Variants in LARP1 observed in about 807,000 individuals in gnomAD.
LARP1 encodes the protein la-related protein 1.
LARP1 carries 36 observed loss-of-function variants against 122.7 expected under a neutral mutation model. The observed-to-expected ratio is 0.29, with a 90% CI of 0.22 to 0.39. The LOEUF is 0.39. LARP1 is among the 10% of genes least tolerant of loss of function. The pLI is 1.00. For missense variants in LARP1, 1,040 were observed against 1,403.6 expected (o/e 0.74, Z 4.14); for synonymous variants, 539 against 528.7 (o/e 1.02, Z -0.27).
At chr5:154,809,117 T>A (rs79258352) in intron 16 of LARP1, among the ~76,000 whole-genome samples, 3,888 of 152,162 alleles carry the variant, frequency 0.026, 157 homozygotes, top group African/African-American at 0.09. Flanking sequence ...ATTTAGTCCA[T>A]CTCCTATTAG....
chr5:154,785,045 C>A (rs1490461950), intron 1 of LARP1, among the ~76,000 whole-genome samples: 6 of 152,216 alleles, frequency 3.9e-5, no homozygotes, highest in Non-Finnish European at 7.3e-5. Context: ...CTTCCTTCCT[C>A]CCTAACAAAG....
chr5:154,762,629 G>C (rs1162678479), intron 1 of LARP1, among the ~76,000 whole-genome samples: 1 of 152,154 alleles, frequency 6.6e-6, no homozygotes, highest in East Asian at 1.9e-4. Flanking sequence ...AGCCAGCTTG[G>C]TAGATCTGTC....
At chr5:154,771,189 T>C (rs560079683) in intron 1 of LARP1, among the ~76,000 whole-genome samples, 1 of 152,058 alleles carries the variant, frequency 6.6e-6, no homozygotes, top group East Asian at 1.9e-4. Context: ...GCCTTTATCA[T>C]GTCCTTGGGC....
chr5:154,723,206 A>G (rs1292351117), intron 1 of LARP1, among the ~76,000 whole-genome samples: 1 of 152,190 alleles, frequency 6.6e-6, no homozygotes, highest in Non-Finnish European at 1.5e-5. Context: ...TTAATGTGTC[A>G]CTGCTGGGAT....
At chr5:154,733,884 G>A (rs1283058381) in intron 1 of LARP1, among the ~76,000 whole-genome samples, 1 of 152,034 alleles carries the variant, frequency 6.6e-6, no homozygotes, top group Non-Finnish European at 1.5e-5. Flanking sequence ...TTTTTTGTCT[G>A]TAGAAAGAGT....
intron 1 of LARP1, among the ~76,000 whole-genome samples, chr5:154,700,077 C>T (rs1465177269): frequency 6.6e-6 from 1 of 152,096 alleles, no homozygotes; most frequent in Non-Finnish European, 1.5e-5. Context: ...ACAGCAGGGC[C>T]TGGACTAGGG....
At chr5:154,754,043 T>A (rs1476885263), upstream of LARP1, among the ~76,000 whole-genome samples, 3 of 152,234 alleles carry the variant, frequency 2.0e-5, no homozygotes, top group Non-Finnish European at 4.4e-5. Context: ...ACACGCAGAT[T>A]TCTGGGTCCA....
intron 14 of LARP1, 33 bp from the exon 15 acceptor site, chr5:154,805,848 A>C: frequency 6.2e-7 from 1 of 1,604,640 alleles, no homozygotes; most frequent in Non-Finnish European, 8.5e-7. Flanking sequence ...GCTGTGGGGA[A>C]CCTGGTGACA....
intron 1 of LARP1, among the ~76,000 whole-genome samples, chr5:154,745,215 C>T (rs1179794101): frequency 1.3e-5 from 2 of 152,176 alleles, no homozygotes; most frequent in East Asian, 1.9e-4. Flanking sequence ...TGTGAGCCAC[C>T]GCGCCTGGCC....
chr5:154,812,815 C>T (rs1759393150), intron 18 of LARP1, among the ~76,000 whole-genome samples: 1 of 152,044 alleles, frequency 6.6e-6, no homozygotes, highest in African/African-American at 2.4e-5. Context: ...CCGCGCCCGG[C>T]CCAAAAGCCC....
rs1171989736 is a variant in LARP1 at position 154,817,122 on chromosome 5, C to T, written c.*3026C>T. ...TGAGGAGGAGGGACAAGGAAGATGA[C>T]TAGTTACGGAGGGTGAGGGTTGTTT... On this transcript the variant is annotated 3_prime_UTR_variant, in exon 19 of 19. Coordinates refer to ENST00000518297, the MANE Select transcript of LARP1 (RefSeq NM_033551.3). 1 of 150,464 alleles carries T rather than the reference C, an allele frequency of 6.6e-6. No homozygotes were observed. Among genetic ancestry groups the T allele is most frequent in the Non-Finnish European group, 1.5e-5 (1 of 67,964 alleles). The allele number at this position is 150,464 out of a possible 1,614,324, so 9.3% of individuals were successfully genotyped here.
intron 1 of LARP1, among the ~76,000 whole-genome samples, chr5:154,690,535 G>A (rs1754142213): frequency 6.6e-6 from 1 of 152,174 alleles, no homozygotes; most frequent in Non-Finnish European, 1.5e-5. Flanking sequence ...ACCATCTCAG[G>A]GTCGCACAGC....
intron 1 of LARP1, among the ~76,000 whole-genome samples, chr5:154,778,152 C>T (rs1245784117): frequency 6.6e-6 from 1 of 151,058 alleles, no homozygotes; most frequent in Non-Finnish European, 1.5e-5. Flanking sequence ...CCCAGCTACT[C>T]GGGAGGCTGA....
intron 1 of LARP1, among the ~76,000 whole-genome samples, chr5:154,688,110 G>C (rs1438469270): frequency 6.6e-6 from 1 of 152,072 alleles, no homozygotes; most frequent in African/African-American, 2.4e-5. Flanking sequence ...TTGATGCTTC[G>C]GGTCTGGGCC....
intron 1 of LARP1, among the ~76,000 whole-genome samples, chr5:154,771,230 G>T (rs1374439272): frequency 6.6e-6 from 1 of 152,110 alleles, no homozygotes; most frequent in African/African-American, 2.4e-5. Flanking sequence ...CTGCCTCATG[G>T]GTAGCTTGCC....
At chr5:154,756,223 CG>C (rs1471961216) in intron 1 of LARP1, 30 bp downstream of exon 1, 7 of 1,219,998 alleles carry the variant, frequency 5.7e-6, no homozygotes, top group South Asian at 1.4e-5. Context: ...CTCCTGGGTC[CG>C]GGGGCCTCTT....
Position 154,814,018 on chromosome 5 carries a change from A to G in LARP1, c.3213A>G (p.Thr1071=). The change falls in exon 19 of 19, where the codon ACA becomes ACG. Residue 1071 remains threonine, a synonymous_variant. Coordinates refer to ENST00000518297, the MANE Select transcript of LARP1 (RefSeq NM_033551.3). ...RPAAMISQPP[T]PPTGQPVRED... ...CTGCCATGATCAGCCAACCCCCTACACCACCCACCGGCCAGCCTGTCCGGG... is the reference window on the plus strand; with the variant it reads ...CTGCCATGATCAGCCAACCCCCTACGCCACCCACCGGCCAGCCTGTCCGGG... 6.2e-7 allele frequency: 1 copy of G among 1,613,680 alleles called. No individual in the cohort carries two copies. The highest frequency in any genetic ancestry group is 8.5e-7 in the Non-Finnish European group (1 of 1,179,920).
At chr5:154,706,945 A>G (rs1754980675) in intron 1 of LARP1, among the ~76,000 whole-genome samples, 1 of 152,214 alleles carries the variant, frequency 6.6e-6, no homozygotes, top group Non-Finnish European at 1.5e-5. Flanking sequence ...TCTATTTCAC[A>G]CCATCCCCCC....
At chr5:154,783,321 G>C (rs1285242645) in intron 1 of LARP1, among the ~76,000 whole-genome samples, 1 of 152,110 alleles carries the variant, frequency 6.6e-6, no homozygotes, top group Admixed American at 6.5e-5. Flanking sequence ...ACTCAAACTG[G>C]GTGTGCTTGG....
Sources: allele counts gnomAD v4.1 joint callset (sites outside exome capture counted in the v4.1 genomes callset), GRCh38; gene constraint gnomAD v4.1.1; transcripts MANE v1.5; gene names NCBI Gene and HGNC (gene_info 2026-07-23, HGNC 2026-07-21).